The following ARL15 variants were observed in gnomAD, a reference collection of about 807,000 sequenced individuals.
ARL15 encodes ARF like GTPase 15.
In ARL15, 19 loss-of-function variants were observed where a neutral mutation model predicts 25.2. That is an observed-to-expected ratio of 0.75 (90% CI 0.53 to 1.10). The LOEUF (loss-of-function observed/expected upper bound fraction) is 1.10, where lower values mean the gene tolerates loss of function less well. Ranked by LOEUF, ARL15 falls within the 50% of genes least tolerant of loss-of-function variation. The probability of loss-of-function intolerance (pLI) is 0.00; values close to 1 mark genes in which losing one functional copy is unlikely to be tolerated. For missense variants in ARL15, 220 were observed against 246.0 expected (o/e 0.89, Z 0.71); for synonymous variants, 94 against 86.8 (o/e 1.08, Z -0.46).
intron 3 of ARL15, among the ~76,000 whole-genome samples, chr5:54,124,494 C>A (rs982938224): frequency 1.2e-4 from 18 of 152,292 alleles, no homozygotes; most frequent in Admixed American, 1.0e-3. Flanking sequence ...ACCACACCTC[C>A]ACTCTTTGGT....
intron 3 of ARL15, among the ~76,000 whole-genome samples, chr5:54,132,098 T>C (rs1022499253): frequency 6.6e-6 from 1 of 152,114 alleles, no homozygotes; most frequent in Non-Finnish European, 1.5e-5. Flanking sequence ...ACTTTGATAA[T>C]ACATTAAAAA....
chr5:54,194,958 G>C (rs1448820154), intron 1 of ARL15, among the ~76,000 whole-genome samples: 1 of 152,114 alleles, frequency 6.6e-6, no homozygotes, highest in African/African-American at 2.4e-5. Flanking sequence ...ACAAAGAGTA[G>C]GGTGTCTCAG....
chr5:54,117,203 G>C (rs527871708), intron 3 of ARL15, among the ~76,000 whole-genome samples: 2 of 152,274 alleles, frequency 1.3e-5, no homozygotes, highest in African/African-American at 4.8e-5. Context: ...TGTCCAGTGA[G>C]TCAGGTATAA....
intron 1 of ARL15, among the ~76,000 whole-genome samples, chr5:54,247,369 G>A (rs887850479): frequency 2.0e-5 from 3 of 151,788 alleles, no homozygotes; most frequent in East Asian, 3.9e-4. Flanking sequence ...TTTTATAGTC[G>A]GCTTTGGATA....
intron 4 of ARL15, among the ~76,000 whole-genome samples, chr5:54,037,340 T>G (rs542728516): frequency 6.6e-6 from 1 of 152,236 alleles, no homozygotes; most frequent in Non-Finnish European, 1.5e-5. Context: ...TGGAATACAT[T>G]GAACTTAGAA....
chr5:54,243,684 T>G (rs1244492348), intron 1 of ARL15, among the ~76,000 whole-genome samples: 1 of 152,212 alleles, frequency 6.6e-6, no homozygotes, highest in African/African-American at 2.4e-5. Context: ...GGGGCAGCAG[T>G]CACTCATGAA....
intron 1 of ARL15, among the ~76,000 whole-genome samples, chr5:54,190,848 A>G (rs1755378083): frequency 6.6e-6 from 1 of 152,204 alleles, no homozygotes; most frequent in African/African-American, 2.4e-5. Context: ...ACCCTTGTAC[A>G]CTGTTGGGAA....
intron 4 of ARL15, among the ~76,000 whole-genome samples, chr5:54,045,728 C>T (rs1302940720): frequency 1.3e-5 from 2 of 152,116 alleles, no homozygotes; most frequent in Non-Finnish European, 2.9e-5. Context: ...GCAGAGCTTG[C>T]CAAGGTTGTA....
chr5:53,970,171 G>GA (rs1747692033), intron 4 of ARL15, among the ~76,000 whole-genome samples: 2 of 152,096 alleles, frequency 1.3e-5, no homozygotes, highest in East Asian at 3.9e-4. Context: ...TTTTTTACTT[G>GA]AAAAAAGATA....
intron 1 of ARL15, among the ~76,000 whole-genome samples, chr5:54,198,655 A>G (rs1481460594): frequency 1.3e-5 from 2 of 150,934 alleles, no homozygotes; most frequent in Admixed American, 1.3e-4. Flanking sequence ...GAGGATACAA[A>G]CAAATGGAAG....
intron 4 of ARL15, among the ~76,000 whole-genome samples, chr5:54,096,607 C>T (rs1433958269): frequency 1.3e-5 from 2 of 152,148 alleles, no homozygotes; most frequent in Non-Finnish European, 2.9e-5. Context: ...GATGGGGTTT[C>T]ACCATGTTGG....
intron 4 of ARL15, among the ~76,000 whole-genome samples, chr5:53,967,879 G>A (rs1417353864): frequency 6.6e-6 from 1 of 152,152 alleles, no homozygotes; most frequent in Non-Finnish European, 1.5e-5. Context: ...GGCCAAAGAA[G>A]CTATGAAGGA....
At chr5:54,190,133 T>C (rs1363168776) in intron 1 of ARL15, among the ~76,000 whole-genome samples, 1 of 152,216 alleles carries the variant, frequency 6.6e-6, no homozygotes, top group East Asian at 1.9e-4. Context: ...GGCTCACGCC[T>C]GTAATTCCAG....
At chr5:54,297,324 G>A (rs138995872) in intron 1 of ARL15, among the ~76,000 whole-genome samples, 2 of 152,360 alleles carry the variant, frequency 1.3e-5, no homozygotes, top group Admixed American at 1.3e-4. Context: ...CAGAGAATTG[G>A]TAGTTTGAAG....
chr5:53,951,965 T>C (rs1223877507), intron 4 of ARL15, among the ~76,000 whole-genome samples: 5 of 151,356 alleles, frequency 3.3e-5, no homozygotes, highest in African/African-American at 1.2e-4. Context: ...ATTTTGGAAA[T>C]TGTGTGTGAA....
At chr5:54,042,263 C>A (rs1750367257) in intron 4 of ARL15, among the ~76,000 whole-genome samples, 2 of 152,170 alleles carry the variant, frequency 1.3e-5, no homozygotes, top group Admixed American at 1.3e-4. Flanking sequence ...GCCACCGCAC[C>A]CAGCTCTTTC....
At chr5:54,193,512 C>T (rs540581605) in intron 1 of ARL15, among the ~76,000 whole-genome samples, 7 of 152,168 alleles carry the variant, frequency 4.6e-5, no homozygotes, top group African/African-American at 1.7e-4. Flanking sequence ...CTCATAGAAG[C>T]GGGAACCCTA....
At chr5:54,207,405 T>C (rs922161036) in intron 1 of ARL15, among the ~76,000 whole-genome samples, 1 of 152,216 alleles carries the variant, frequency 6.6e-6, no homozygotes, top group African/African-American at 2.4e-5. Context: ...TTTAGTCTTA[T>C]TCCTGCTCTA....
chr5:53,956,710 G>A (rs1449148960), intron 4 of ARL15, among the ~76,000 whole-genome samples: 1 of 151,808 alleles, frequency 6.6e-6, no homozygotes, highest in Non-Finnish European at 1.5e-5. Flanking sequence ...AGAAAATCTG[G>A]AGCTGACATA....
Sources: gnomAD v4.1 joint callset for allele counts (sites outside exome capture counted in the v4.1 genomes callset) on GRCh38, gnomAD v4.1.1 for gene constraint, MANE v1.5 for transcripts, NCBI Gene and HGNC (gene_info 2026-07-23, HGNC 2026-07-21) for gene names.